Variants in NPAS3 observed in about 807,000 individuals in gnomAD.
NPAS3 encodes neuronal PAS domain-containing protein 3.
Under a neutral mutation model 73.1 loss-of-function variants are expected in NPAS3, and 14 were observed. The ratio of observed to expected loss-of-function variants is 0.19; its 90% CI spans 0.13 to 0.30. The LOEUF is 0.30. NPAS3 is among the 10% of genes least tolerant of loss of function. NPAS3 has a pLI of 1.00. For synonymous variants in NPAS3, 620 were observed against 541.5 expected, an observed-to-expected ratio of 1.14 and a Z score of -2.01; for missense variants, 1,096 against 1,250.0, an observed-to-expected ratio of 0.88 and a Z score of 1.86.
At chr14:33,181,357 A>G (rs1025439676) in intron 2 of NPAS3, among the ~76,000 whole-genome samples, 5 of 152,202 alleles carry the variant, frequency 3.3e-5, no homozygotes, top group African/African-American at 1.2e-4. Flanking sequence ...CACTAAAAGA[A>G]GAAAGTGATG....
intron 4 of NPAS3, among the ~76,000 whole-genome samples, chr14:33,425,172 C>T (rs1176546755): frequency 1.3e-5 from 2 of 151,892 alleles, no homozygotes; most frequent in African/African-American, 4.8e-5. Flanking sequence ...ATGGTGAGAC[C>T]ATGGTGAAAA....
chr14:32,970,209 T>A (rs1443559022), intron 1 of NPAS3, among the ~76,000 whole-genome samples: 1 of 152,218 alleles, frequency 6.6e-6, no homozygotes, highest in Non-Finnish European at 1.5e-5. Flanking sequence ...TTTCCTAGGC[T>A]AGAGATAGAC....
chr14:33,536,833 C>T (rs1258933508), intron 4 of NPAS3, among the ~76,000 whole-genome samples: 1 of 152,064 alleles, frequency 6.6e-6, no homozygotes, highest in South Asian at 2.1e-4. Flanking sequence ...CCAACTAAAA[C>T]ATAGGTCCAA....
Position 33,476,355 on chromosome 14 carries a change from A to G in NPAS3, c.469-83766A>G, listed in dbSNP as rs1192969274. 2.0e-5 allele frequency among the ~76,000 whole-genome samples: 3 copies of G among 152,216 alleles called. No homozygotes were observed. In the East Asian group the frequency reaches 5.8e-4, roughly 29 times the overall value. On this transcript the variant is annotated intron_variant, in intron 4 of 11. Coordinates refer to ENST00000356141, the Ensembl canonical transcript of NPAS3. Reference sequence around the variant, plus strand: ...CTATCCTTCATGCTTTTAAACTGTAATATCCTTTCCTCAATGACTACTTGT... The same window carrying G: ...CTATCCTTCATGCTTTTAAACTGTAGTATCCTTTCCTCAATGACTACTTGT...
chr14:33,589,462 G>A (rs1595222446), intron 5 of NPAS3, among the ~76,000 whole-genome samples: 1 of 152,122 alleles, frequency 6.6e-6, no homozygotes, highest in African/African-American at 2.4e-5. Context: ...GCAGGATGAG[G>A]TTCTATTGTT....
chr14:33,264,687 TCTC>T (rs2049106739), intron 3 of NPAS3, among the ~76,000 whole-genome samples: 1 of 152,182 alleles, frequency 6.6e-6, no homozygotes, highest in Non-Finnish European at 1.5e-5. Flanking sequence ...GCTTTTTTCT[TCTC>T]CTTCTAGCAA....
intron 2 of NPAS3, among the ~76,000 whole-genome samples, chr14:33,158,294 G>A (rs1004190683): frequency 6.6e-6 from 1 of 152,188 alleles, no homozygotes; most frequent in Non-Finnish European, 1.5e-5. Flanking sequence ...CTTCAGGTGG[G>A]ACTGAGAAAT....
chr14:33,402,564 C>A (rs2047492412), intron 4 of NPAS3, among the ~76,000 whole-genome samples: 1 of 152,140 alleles, frequency 6.6e-6, no homozygotes, highest in Non-Finnish European at 1.5e-5. Context: ...AACATCTCCT[C>A]ATCCTCTGTG....
chr14:32,962,639 T>C (rs1175921523), intron 1 of NPAS3, among the ~76,000 whole-genome samples: 4 of 146,750 alleles, frequency 2.7e-5, no homozygotes, highest in Non-Finnish European at 6.0e-5. Context: ...TGGTGCGATC[T>C]TGGCTCACCA....
At chr14:33,742,679 C>T (rs923371216) in intron 7 of NPAS3, among the ~76,000 whole-genome samples, 4 of 152,112 alleles carry the variant, frequency 2.6e-5, no homozygotes, top group Non-Finnish European at 4.4e-5. Context: ...AAGTTTGTCA[C>T]GTAGATTGAT....
chr14:33,763,525 C>A (rs898118625), intron 7 of NPAS3, among the ~76,000 whole-genome samples: 5 of 152,124 alleles, frequency 3.3e-5, no homozygotes, highest in Non-Finnish European at 5.9e-5. Context: ...ATACACCCTG[C>A]TAAGGAAGGG....
At chr14:33,644,329 ATATATT>A (rs1338608409) in intron 5 of NPAS3, among the ~76,000 whole-genome samples, 1 of 152,212 alleles carries the variant, frequency 6.6e-6, no homozygotes, top group Non-Finnish European at 1.5e-5. Context: ...ACCTTTATTT[ATATATT>A]TATATTTTTG....
exon 10 of NPAS3, chr14:33,793,933 G>A: frequency 1.2e-6 from 2 of 1,613,618 alleles, no homozygotes; most frequent in Non-Finnish European, 1.7e-6. Flanking sequence ...AAGTACTATC[G>A]CTGGATGCAG....
At chr14:33,041,358 C>A (rs1425280048) in intron 1 of NPAS3, among the ~76,000 whole-genome samples, 1 of 152,114 alleles carries the variant, frequency 6.6e-6, no homozygotes, top group Non-Finnish European at 1.5e-5. Flanking sequence ...TAATAACACA[C>A]AGTCAAAGCA....
chr14:33,569,072 C>T (rs2056095844), intron 5 of NPAS3, among the ~76,000 whole-genome samples: 2 of 152,230 alleles, frequency 1.3e-5, no homozygotes, highest in African/African-American at 4.8e-5. Flanking sequence ...GCTTTCGTGC[C>T]TACTGCATTT....
intron 2 of NPAS3, among the ~76,000 whole-genome samples, chr14:33,145,458 G>A (rs924969898): frequency 2.0e-5 from 3 of 152,022 alleles, no homozygotes; most frequent in African/African-American, 7.3e-5. Context: ...AATTTCTATA[G>A]TGCTTCTTCA....
chr14:33,352,038 C>T (rs1285617256), intron 3 of NPAS3, among the ~76,000 whole-genome samples: 4 of 146,234 alleles, frequency 2.7e-5, no homozygotes, highest in Non-Finnish European at 4.5e-5. Flanking sequence ...CAGAACTTAA[C>T]GTGTTAAAAA....
intron 4 of NPAS3, among the ~76,000 whole-genome samples, chr14:33,531,018 G>A (rs991538688): frequency 6.6e-6 from 1 of 151,900 alleles, no homozygotes; most frequent in Non-Finnish European, 1.5e-5. Flanking sequence ...AAATTGGTCC[G>A]GTGAAAACAC....
chr14:33,333,086 G>GCC, intron 3 of NPAS3, among the ~76,000 whole-genome samples: 1 of 152,200 alleles, frequency 6.6e-6, no homozygotes, highest in Non-Finnish European at 1.5e-5. Context: ...CCTGGTTGAA[G>GCC]ACAGAAAACA....
Sources: allele counts gnomAD v4.1 joint callset (sites outside exome capture counted in the v4.1 genomes callset), GRCh38; gene constraint gnomAD v4.1.1; transcripts MANE v1.5; gene names NCBI Gene and HGNC (gene_info 2026-07-23, HGNC 2026-07-21).